The following MAP4 variants were observed in gnomAD, a reference collection of about 807,000 sequenced individuals.
The protein encoded by MAP4 is microtubule associated protein 4, also known as microtubule-associated protein 4.
MAP4 carries 76 observed loss-of-function variants against 170.2 expected under a neutral mutation model. The ratio of observed to expected loss-of-function variants is 0.45; its 90% CI spans 0.37 to 0.54. The LOEUF (loss-of-function observed/expected upper bound fraction) is 0.54, where lower values mean the gene tolerates loss of function less well. Ranked by LOEUF, MAP4 falls within the 20% of genes least tolerant of loss-of-function variation. The pLI is 0.00. For synonymous variants in MAP4, 909 were observed against 994.5 expected, an observed-to-expected ratio of 0.91 and a Z score of 1.62; for missense variants, 2,506 against 2,748.0, an observed-to-expected ratio of 0.91 and a Z score of 1.97.
At chr3:48,046,233 C>T (rs1400175570) in intron 1 of MAP4, among the ~76,000 whole-genome samples, 1 of 152,062 alleles carries the variant, frequency 6.6e-6, no homozygotes, top group African/African-American at 2.4e-5. Flanking sequence ...ATCGATTTTT[C>T]TTAACTATCA....
At chr3:47,894,589 T>G (rs1016795584) in intron 10 of MAP4, among the ~76,000 whole-genome samples, 1 of 127,882 alleles carries the variant, frequency 7.8e-6, no homozygotes, top group African/African-American at 2.6e-5. Context: ...TCTCAAAAAA[T>G]AAAAAAAAAA....
intron 3 of MAP4, among the ~76,000 whole-genome samples, chr3:47,971,822 C>T (rs1195283754): frequency 6.6e-6 from 1 of 152,158 alleles, no homozygotes; most frequent in Non-Finnish European, 1.5e-5. Context: ...TTGCCTAGAA[C>T]ACCCTCTAGC....
At chr3:47,978,513 T>C (rs2154276829) in intron 2 of MAP4, among the ~76,000 whole-genome samples, 1 of 152,258 alleles carries the variant, frequency 6.6e-6, no homozygotes, top group Middle Eastern at 3.4e-3. Flanking sequence ...AAATGGGATT[T>C]CACCATGTTG....
At chr3:47,957,893 C>T (rs1204194689) in intron 3 of MAP4, among the ~76,000 whole-genome samples, 5 of 152,170 alleles carry the variant, frequency 3.3e-5, no homozygotes, top group East Asian at 1.9e-4. Context: ...GAAGTATGTG[C>T]GGCTCCACTC....
At chr3:47,880,465 GTT>G (rs3079393) in intron 10 of MAP4, among the ~76,000 whole-genome samples, 164 of 106,066 alleles carry the variant, frequency 1.5e-3, no homozygotes, top group African/African-American at 5.7e-3. Flanking sequence ...TCCAATTTCA[GTT>G]TTTTTTTTTT....
chr3:48,052,786 T>C (rs894701839), intron 1 of MAP4, among the ~76,000 whole-genome samples: 4 of 152,324 alleles, frequency 2.6e-5, no homozygotes, highest in African/African-American at 9.6e-5. Flanking sequence ...CAGACAGTGA[T>C]GAACATCTCA....
chr3:47,951,943 T>A (rs140083943), intron 3 of MAP4, among the ~76,000 whole-genome samples: 57,725 of 148,572 alleles, frequency 0.39, 12,398 homozygotes, highest in African/African-American at 0.6. Flanking sequence ...CTAGGAAGTG[T>A]GGAGCGTCTC....
chr3:48,021,594 T>TC (rs1276220107), intron 1 of MAP4, among the ~76,000 whole-genome samples: 1 of 152,174 alleles, frequency 6.6e-6, no homozygotes, highest in Non-Finnish European at 1.5e-5. Context: ...GATCCACCTG[T>TC]CTTGGCCTCC....
At chr3:47,859,416 A>G (rs1383518523) in intron 17 of MAP4, among the ~76,000 whole-genome samples, 3 of 152,182 alleles carry the variant, frequency 2.0e-5, no homozygotes, top group African/African-American at 7.2e-5. Flanking sequence ...TGCCACCAGT[A>G]TTTTTGTATT....
intron 2 of MAP4, among the ~76,000 whole-genome samples, chr3:47,996,653 A>G (rs2100095834): frequency 6.6e-6 from 1 of 152,086 alleles, no homozygotes; most frequent in Admixed American, 6.6e-5. Context: ...TAAACCCAAG[A>G]GACATGCCTA....
rs1298796486 is a variant in MAP4 at position 47,855,549 on chromosome 3, C to T, written c.6584-189G>A. Among the ~76,000 whole-genome samples the T allele has an allele frequency of 1.3e-5, 2 of 152,206 alleles. No individual in the cohort carries two copies. Among genetic ancestry groups the T allele is most frequent in the Non-Finnish European group, 2.9e-5 (2 of 68,040 alleles). Reference sequence around the variant, plus strand: ...TCACAGTGAGGCTGAGACAATCTCTCCGTCCAGCCAGTGGGAATACCTCCA... The same window carrying T: ...TCACAGTGAGGCTGAGACAATCTCTTCGTCCAGCCAGTGGGAATACCTCCA... On this transcript the variant is annotated intron_variant, in intron 18 of 20. Transcript: ENST00000683076. This position sits in a 1 kb window ranked among gnomAD's most constrained non-coding sequence, Gnocchi z 5.1.
intron 2 of MAP4, among the ~76,000 whole-genome samples, chr3:47,986,213 A>C (rs944240206): frequency 6.6e-6 from 1 of 152,114 alleles, no homozygotes; most frequent in East Asian, 1.9e-4. Context: ...TCCTAGGCTT[A>C]AGCAATCCTC....
At chr3:47,955,751 G>A (rs1397496421) in intron 3 of MAP4, among the ~76,000 whole-genome samples, 1 of 152,154 alleles carries the variant, frequency 6.6e-6, no homozygotes, top group Non-Finnish European at 1.5e-5. Context: ...CAGCTACAAA[G>A]TTACCTACAA....
Position 48,054,438 on chromosome 3 carries a change from T to C in MAP4, c.-20+34335A>G, listed in dbSNP as rs113315988. Among the ~76,000 whole-genome samples the C allele has an allele frequency of 2.6e-4, 39 of 151,800 alleles. No individual in the cohort carries two copies. The South Asian group carries it at 6.0e-3, about 24-fold the overall frequency. On this transcript the variant is annotated intron_variant, in intron 1 of 18. Transcript: ENST00000360240. ...AAGTTCAAGACCAGCCTGGCCAACA[T>C]AGTGAAACCCCGTCTCTACCAAAAA...
At chr3:47,984,143 A>G (rs946157025) in intron 2 of MAP4, among the ~76,000 whole-genome samples, 2 of 151,990 alleles carry the variant, frequency 1.3e-5, no homozygotes, top group Non-Finnish European at 2.9e-5. Context: ...TAAGACTACC[A>G]CCACACCCAG....
At chr3:47,915,874 G>T in intron 7 of MAP4, 77 bp downstream of exon 7, 1 of 1,473,750 alleles carries the variant, frequency 6.8e-7, no homozygotes, top group Non-Finnish European at 9.1e-7. Context: ...ACTTTACCTG[G>T]CATGATGTTT....
At chr3:47,937,012 C>T (rs917728598) in intron 3 of MAP4, among the ~76,000 whole-genome samples, 2 of 146,530 alleles carry the variant, frequency 1.4e-5, no homozygotes, top group African/African-American at 5.0e-5. Context: ...AGAAAGAAAA[C>T]AGAATCAGGA....
At chr3:47,986,486 G>A (rs184679413) in intron 2 of MAP4, among the ~76,000 whole-genome samples, 142 of 152,036 alleles carry the variant, frequency 9.3e-4, no homozygotes, top group African/African-American at 3.2e-3. Context: ...GATTACAGGC[G>A]CATGCCACCA....
intron 3 of MAP4, among the ~76,000 whole-genome samples, chr3:47,949,514 C>T (rs1235253157): frequency 6.9e-6 from 1 of 144,986 alleles, no homozygotes; most frequent in Non-Finnish European, 1.5e-5. Flanking sequence ...AGAGAGCTTA[C>T]ATTCTTGGCA....
Sources: gnomAD v4.1 joint callset for allele counts (sites outside exome capture counted in the v4.1 genomes callset) on GRCh38, gnomAD v4.1.1 for gene constraint, Gnocchi (gnomAD v3.1) non-coding constraint, MANE v1.5 for transcripts, NCBI Gene and HGNC (gene_info 2026-07-23, HGNC 2026-07-21) for gene names.